TRPC6: variants seen among roughly 807,000 people sequenced by gnomAD.
TRPC6 encodes transient receptor potential cation channel subfamily C member 6, also known as short transient receptor potential channel 6.
Under a neutral mutation model 90.7 loss-of-function variants are expected in TRPC6, and 55 were observed. That is an observed-to-expected ratio of 0.61 (90% CI 0.49 to 0.76). The LOEUF is 0.76. Among genes scored for constraint, TRPC6 ranks in the 30% least tolerant of loss-of-function variants. The pLI is 0.00. For synonymous variants in TRPC6, 393 were observed against 393.0 expected, an observed-to-expected ratio of 1.00 and a Z score of 0.00; for missense variants, 989 against 1,122.7, an observed-to-expected ratio of 0.88 and a Z score of 1.70.
intron 1 of TRPC6, among the ~76,000 whole-genome samples, chr11:101,548,114 G>T (rs4754771): frequency 0.35 from 52,054 of 150,776 alleles, 9,231 homozygotes; most frequent in East Asian, 0.44. Flanking sequence ...GGATTTTTAT[G>T]CACCAACTAT....
chr11:101,477,711 T>C (rs185220597), intron 5 of TRPC6, among the ~76,000 whole-genome samples: 23 of 152,326 alleles, frequency 1.5e-4, no homozygotes, highest in Admixed American at 5.2e-4. Flanking sequence ...GGAATGATAT[T>C]GGTTCATTCC....
At chr11:101,488,055 C>T (rs1176956571) in intron 4 of TRPC6, among the ~76,000 whole-genome samples, 1 of 152,094 alleles carries the variant, frequency 6.6e-6, no homozygotes, top group Non-Finnish European at 1.5e-5. Context: ...TGGAAGTAAC[C>T]CAACTGATAG....
chr11:101,472,349 A>G lies in TRPC6; in HGVS notation c.2010-17T>C. 6.2e-7 allele frequency: 1 copy of G among 1,605,136 alleles called. No homozygotes were observed. ...TCTTCAACTCTGGGGAAAAAATAAC[A>G]GAAGAAAAGAAATAAGAAAGTGTAT... is the stretch of plus-strand genomic sequence containing the variant. On this transcript the variant is annotated splice_polypyrimidine_tract_variant and intron_variant, in intron 7 of 12. Transcript: ENST00000344327.
At chr11:101,567,590 G>A (rs1219613003) in intron 1 of TRPC6, among the ~76,000 whole-genome samples, 1 of 152,200 alleles carries the variant, frequency 6.6e-6, no homozygotes, top group Non-Finnish European at 1.5e-5. Flanking sequence ...CCCAGTAGGG[G>A]CCAACAGACA....
Position 101,488,999 on chromosome 11 carries a change from G to C in TRPC6, c.1231C>G (p.Leu411Val). The part of the protein sequence containing the change: ...QTMAVKFLVV[L>V]AVAIGLPFLA... Reference sequence around the variant, plus strand: ...AAGGGCAGTCCAATGGCAACAGCAAGGACCACAAGGAACTTGACCGCCATT... The same window carrying C: ...AAGGGCAGTCCAATGGCAACAGCAACGACCACAAGGAACTTGACCGCCATT... Residue 411 changes from leucine to valine, a missense_variant, in exon 4 of 13, where the codon CTT becomes GTT. Leu to Val is a conservative substitution (Grantham distance 32, BLOSUM62 1). This residue lies in a region of TRPC6 where 486 missense variants were observed against 591.9 expected (regional missense o/e 0.82). Transcript: ENST00000344327. 1 of 1,614,140 alleles carries C rather than the reference G, an allele frequency of 6.2e-7. No individual in the cohort carries two copies. Among genetic ancestry groups the C allele is most frequent in the Non-Finnish European group, 8.5e-7 (1 of 1,180,004 alleles).
chr11:101,550,338 C>A (rs1472108364), intron 1 of TRPC6, among the ~76,000 whole-genome samples: 1 of 151,124 alleles, frequency 6.6e-6, no homozygotes, highest in East Asian at 1.9e-4. Context: ...AAAAAAGACG[C>A]AAGGATATAA....
intron 1 of TRPC6, among the ~76,000 whole-genome samples, chr11:101,517,796 G>C (rs17674687): frequency 0.09 from 13,681 of 152,208 alleles, 776 homozygotes; most frequent in East Asian, 0.17. Flanking sequence ...CAGCTACTTA[G>C]AACCCTCAGC....
intron 1 of TRPC6, among the ~76,000 whole-genome samples, chr11:101,530,348 A>G (rs1860882164): frequency 1.3e-5 from 2 of 152,272 alleles, no homozygotes; most frequent in African/African-American, 4.8e-5. Flanking sequence ...ACGACAGCTC[A>G]GAAATTTGTC....
chr11:101,551,697 G>A (rs913252115), intron 1 of TRPC6, among the ~76,000 whole-genome samples: 23 of 151,790 alleles, frequency 1.5e-4, no homozygotes, highest in Non-Finnish European at 2.6e-4. Flanking sequence ...ATTATTTACA[G>A]ATGGGTCTAG....
At chr11:101,482,603 C>CA (rs1204043468) in intron 5 of TRPC6, among the ~76,000 whole-genome samples, 2 of 152,152 alleles carry the variant, frequency 1.3e-5, no homozygotes, top group Non-Finnish European at 2.9e-5. Context: ...TATCAAATCT[C>CA]AATGTAAAAT....
At chr11:101,485,728 G>GATTAA (rs1278506449) in intron 4 of TRPC6, among the ~76,000 whole-genome samples, 3 of 152,122 alleles carry the variant, frequency 2.0e-5, no homozygotes, top group Non-Finnish European at 4.4e-5. Context: ...TCATACAGTA[G>GATTAA]AGCGTAAATT....
At chr11:101,554,053 C>A (rs954022411) in intron 1 of TRPC6, among the ~76,000 whole-genome samples, 5 of 152,148 alleles carry the variant, frequency 3.3e-5, no homozygotes, top group African/African-American at 9.7e-5. Flanking sequence ...ACACTGGACT[C>A]TGCATCAGTT....
intron 2 of TRPC6, among the ~76,000 whole-genome samples, chr11:101,492,139 G>A (rs1163907572): frequency 6.6e-6 from 1 of 151,134 alleles, no homozygotes; most frequent in Non-Finnish European, 1.5e-5. Context: ...ATGCCCAGCC[G>A]AGAAACATTC....
chr11:101,478,680 C>G (rs906695449), intron 5 of TRPC6, among the ~76,000 whole-genome samples: 4 of 152,086 alleles, frequency 2.6e-5, no homozygotes, highest in Non-Finnish European at 5.9e-5. Flanking sequence ...CAAGCTTGCC[C>G]CAGGCAGGAG....
intron 1 of TRPC6, among the ~76,000 whole-genome samples, chr11:101,545,680 A>G (rs1269226031): frequency 2.0e-5 from 3 of 152,204 alleles, no homozygotes; most frequent in Non-Finnish European, 4.4e-5. Context: ...GCCTTAATAC[A>G]TTTCTTATAA....
intron 1 of TRPC6, among the ~76,000 whole-genome samples, chr11:101,568,888 G>A (rs1490038116): frequency 2.0e-5 from 3 of 152,190 alleles, no homozygotes; most frequent in South Asian, 2.1e-4. Flanking sequence ...AGAAACAACC[G>A]ATACAAGCCA....
At chr11:101,547,374 G>A (rs1272548874) in intron 1 of TRPC6, among the ~76,000 whole-genome samples, 2 of 152,034 alleles carry the variant, frequency 1.3e-5, no homozygotes, top group African/African-American at 4.8e-5. Flanking sequence ...TTTTTGATAT[G>A]AGAATAACAA....
chr11:101,582,940 C>A (rs1038501922), intron 1 of TRPC6, among the ~76,000 whole-genome samples: 9 of 152,096 alleles, frequency 5.9e-5, no homozygotes, highest in Non-Finnish European at 8.8e-5. Context: ...AAGAGTCACC[C>A]GGGCGCACAT....
chr11:101,576,010 A>G lies in TRPC6; in HGVS notation c.170+7324T>C, dbSNP rs1218471327. 3.3e-5 allele frequency among the ~76,000 whole-genome samples: 5 copies of G among 152,180 alleles called. No individual in the cohort carries two copies. In the South Asian group the frequency reaches 8.3e-4, roughly 25 times the overall value. ...TACTGAGAGAATAGAGGACTGAGAT[A>G]TGGGATACTGAGAGAATCTGCCAGC... On this transcript the variant is annotated intron_variant, in intron 1 of 12. Transcript: ENST00000344327.
Sources: gnomAD v4.1 joint callset for allele counts (sites outside exome capture counted in the v4.1 genomes callset) on GRCh38, gnomAD v4.1.1 for gene constraint, gnomAD v4.1.1 regional missense constraint, MANE v1.5 for transcripts, NCBI Gene and HGNC (gene_info 2026-07-23, HGNC 2026-07-21) for gene names.